PTGER3: variants seen among roughly 807,000 people sequenced by gnomAD.
PTGER3 encodes prostaglandin E2 receptor EP3 subtype.
In PTGER3, 22 loss-of-function variants were observed where a neutral mutation model predicts 34.7. The observed-to-expected ratio is 0.63, with a 90% CI of 0.45 to 0.91. The LOEUF is 0.91. PTGER3 is among the 40% of genes least tolerant of loss of function. PTGER3 has a pLI of 0.00. For synonymous variants in PTGER3, 241 were observed against 230.1 expected, an observed-to-expected ratio of 1.05 and a Z score of -0.43; for missense variants, 468 against 519.4, an observed-to-expected ratio of 0.90 and a Z score of 0.96.
chr1:70,978,049 A>G (rs188033953), intron 2 of PTGER3, among the ~76,000 whole-genome samples: 3 of 152,282 alleles, frequency 2.0e-5, no homozygotes, highest in East Asian at 3.9e-4. Context: ...CAGAAACTGA[A>G]GCATAGATAG....
intron 4 of PTGER3, among the ~76,000 whole-genome samples, chr1:70,913,660 T>C (rs1266541735): frequency 6.6e-6 from 1 of 151,892 alleles, no homozygotes. Context: ...TCCCTTTAAT[T>C]CCCAGTTTGC....
intron 2 of PTGER3, among the ~76,000 whole-genome samples, chr1:70,957,720 T>C (rs1167748314): frequency 6.6e-6 from 1 of 152,176 alleles, no homozygotes; most frequent in East Asian, 1.9e-4. Context: ...TCTTCTCTTC[T>C]AGCTATCTTG....
intron 2 of PTGER3, among the ~76,000 whole-genome samples, chr1:70,980,670 A>G (rs631389): frequency 0.61 from 92,910 of 151,836 alleles, 28,633 homozygotes; most frequent in Middle Eastern, 0.65. Context: ...TGTATATAAA[A>G]CACTTAGAAC....
chr1:70,964,280 A>T (rs1206108849), intron 2 of PTGER3, among the ~76,000 whole-genome samples: 1 of 152,046 alleles, frequency 6.6e-6, no homozygotes, highest in African/African-American at 2.4e-5. Flanking sequence ...TCTACCTATC[A>T]CCCAGTTCCA....
intron 4 of PTGER3, among the ~76,000 whole-genome samples, chr1:70,870,980 G>A (rs967653884): frequency 6.6e-6 from 1 of 152,168 alleles, no homozygotes; most frequent in Non-Finnish European, 1.5e-5. Flanking sequence ...TAGTTCCAAA[G>A]CTGCTTCCAC....
chr1:70,936,292 A>G (rs1279106011), intron 4 of PTGER3, among the ~76,000 whole-genome samples: 2 of 152,184 alleles, frequency 1.3e-5, no homozygotes, highest in Admixed American at 6.5e-5. Context: ...ATAGCTGCAG[A>G]GGTAGAAAGT....
At chr1:70,871,511 G>A (rs577587299) in intron 4 of PTGER3, among the ~76,000 whole-genome samples, 1 of 152,272 alleles carries the variant, frequency 6.6e-6, no homozygotes, top group East Asian at 1.9e-4. Flanking sequence ...CTATGTCCAT[G>A]TCGGTATTCC....
chr1:70,945,462 C>T (rs1161596601), intron 4 of PTGER3, among the ~76,000 whole-genome samples: 2 of 152,112 alleles, frequency 1.3e-5, no homozygotes, highest in African/African-American at 4.8e-5. Context: ...CTCTGCTAGA[C>T]TGAACTGGGA....
At chr1:70,852,748 T>A (rs1645708797) in exon 5 of PTGER3, 1 of 1,450,004 alleles carries the variant, frequency 6.9e-7, no homozygotes, top group Non-Finnish European at 9.7e-7. Context: ...GAGAATAGTT[T>A]GGGAGGTGGG....
intron 4 of PTGER3, chr1:70,884,034 C>T (rs906989404): frequency 1.0e-5 from 4 of 381,622 alleles, no homozygotes; most frequent in East Asian, 1.2e-4. Context: ...TTGCAGTGAG[C>T]GGAAATCACT....
chr1:70,860,106 A>G (rs1364260057), intron 4 of PTGER3, among the ~76,000 whole-genome samples: 1 of 152,036 alleles, frequency 6.6e-6, no homozygotes, highest in African/African-American at 2.4e-5. Flanking sequence ...CGTTATTTGG[A>G]TGAGGAAACT....
intron 2 of PTGER3, among the ~76,000 whole-genome samples, chr1:70,962,558 A>G (rs1652049557): frequency 6.6e-6 from 1 of 152,188 alleles, no homozygotes; most frequent in Non-Finnish European, 1.5e-5. Context: ...TGGAAGGTGA[A>G]TGAGGAGCAA....
intron 4 of PTGER3, among the ~76,000 whole-genome samples, chr1:70,936,503 G>A (rs569120693): frequency 3.7e-4 from 56 of 152,112 alleles, no homozygotes; most frequent in Non-Finnish European, 6.6e-4. Flanking sequence ...AAAGTGTAAA[G>A]TCTGGATACT....
chr1:70,886,328 A>T, intron 4 of PTGER3: 1 of 449,012 alleles, frequency 2.2e-6, no homozygotes, highest in South Asian at 1.6e-5. Flanking sequence ...GGCCTCCAGA[A>T]CTGTGAGAAA....
intron 1 of PTGER3, among the ~76,000 whole-genome samples, chr1:71,020,476 A>G (rs534482312): frequency 1.3e-5 from 2 of 152,096 alleles, no homozygotes; most frequent in African/African-American, 4.8e-5. Context: ...ACACCTCTAC[A>G]GTTTTTTTTT....
chr1:70,947,012 T>C (rs1180826464), intron 4 of PTGER3, among the ~76,000 whole-genome samples: 1 of 152,048 alleles, frequency 6.6e-6, no homozygotes, highest in African/African-American at 2.4e-5. Flanking sequence ...ACTCAAGAGT[T>C]CCAGGACTAG....
chr1:71,045,905 G>T (rs578096589), intron 1 of PTGER3, among the ~76,000 whole-genome samples: 10 of 152,014 alleles, frequency 6.6e-5, no homozygotes, highest in African/African-American at 2.4e-4. Context: ...GCACCCATAG[G>T]TCGCGCAGTC....
chr1:70,852,945 A>G (rs143643131), intron 4 of PTGER3: 33 of 1,430,836 alleles, frequency 2.3e-5, no homozygotes, highest in Non-Finnish European at 3.2e-5. Flanking sequence ...ATAAATTCTC[A>G]TAAATTTCAG....
At chr1:70,893,434 C>T (rs529738045) in intron 4 of PTGER3, among the ~76,000 whole-genome samples, 1 of 152,158 alleles carries the variant, frequency 6.6e-6, no homozygotes, top group Non-Finnish European at 1.5e-5. Flanking sequence ...GGCCAATGTC[C>T]TGGGAATGGT....
Sources: gnomAD v4.1 joint callset for allele counts (sites outside exome capture counted in the v4.1 genomes callset) on GRCh38, gnomAD v4.1.1 for gene constraint, MANE v1.5 for transcripts, NCBI Gene and HGNC (gene_info 2026-07-23, HGNC 2026-07-21) for gene names.